The following SND1 variants were observed in gnomAD, a reference collection of about 807,000 sequenced individuals.
SND1 encodes the protein staphylococcal nuclease domain-containing protein 1.
Under a neutral mutation model 121.7 loss-of-function variants are expected in SND1, and 38 were observed. That is an observed-to-expected ratio of 0.31 (90% confidence interval 0.24 to 0.41). SND1 has a LOEUF of 0.41. Ranked by LOEUF, SND1 falls within the 10% of genes least tolerant of loss-of-function variation. The pLI, the probability that SND1 is intolerant of heterozygous loss-of-function variation, is 1.00. For synonymous variants in SND1, 401 were observed against 447.4 expected (o/e 0.90, Z 1.31); for missense variants, 868 against 1,184.6 (o/e 0.73, Z 3.92).
chr7:128,084,793 C>T lies in SND1; in HGVS notation c.2180C>T (p.Ser727Phe), dbSNP rs766769271. The T allele has an allele frequency of 1.2e-6, 2 of 1,608,998 alleles. No homozygotes were observed. The highest frequency in any genetic ancestry group is 1.7e-6 in the Non-Finnish European group (2 of 1,176,436). The part of the protein sequence containing the change: ...DIASHPPVEG[S>F]YAPRRGEFCI... ...GCCAGTCACCCCCCTGTAGAGGGCT[C>T]CTATGCCCCCCGCAGGGGAGAGTTC... Residue 727 changes from serine (S) to phenylalanine (F), a missense_variant, in exon 19 of 24, where the codon TCC becomes TTC. Around this residue, in one of 2 missense-constraint regions of SND1, gnomAD observed 743 missense variants for 1,071.3 expected, o/e 0.69. Transcript: ENST00000354725.
intron 1 of SND1, among the ~76,000 whole-genome samples, chr7:127,670,692 T>G (rs1223689074): frequency 1.3e-5 from 2 of 152,030 alleles, no homozygotes; most frequent in African/African-American, 4.8e-5. Flanking sequence ...ATTTTTAATT[T>G]TTCTGTAGTA....
chr7:127,926,584 G>T (rs9649512), intron 14 of SND1, among the ~76,000 whole-genome samples: 1 of 120,414 alleles, frequency 8.3e-6, no homozygotes. Flanking sequence ...TCGGAGTCTC[G>T]CTCTATCACC....
intron 15 of SND1, among the ~76,000 whole-genome samples, chr7:127,984,868 G>A (rs1016170457): frequency 6.6e-6 from 1 of 152,128 alleles, no homozygotes; most frequent in African/African-American, 2.4e-5. Context: ...CTGCTCCAGG[G>A]ACCTCACTGT....
chr7:127,727,848 A>C (rs991427026), intron 10 of SND1, among the ~76,000 whole-genome samples: 3 of 152,182 alleles, frequency 2.0e-5, no homozygotes, highest in African/African-American at 7.2e-5. Context: ...AAAAATTACT[A>C]TTAGAAGACT....
chr7:127,992,043 G>A (rs1174962148), intron 16 of SND1, among the ~76,000 whole-genome samples: 1 of 152,138 alleles, frequency 6.6e-6, no homozygotes, highest in African/African-American at 2.4e-5. Flanking sequence ...TTTTGTAGAA[G>A]AAAGTGGAGT....
At chr7:127,801,713 A>G (rs1798131261) in intron 10 of SND1, among the ~76,000 whole-genome samples, 1 of 152,162 alleles carries the variant, frequency 6.6e-6, no homozygotes. Context: ...TTGCCGGGGA[A>G]GGTGCACGCC....
intron 9 of SND1, among the ~76,000 whole-genome samples, chr7:127,720,678 TA>T (rs1796479179): frequency 6.6e-6 from 1 of 152,222 alleles, no homozygotes. Flanking sequence ...ATGTCCGTAG[TA>T]GTAGTGCTCT....
At chr7:127,731,523 C>T (rs554980100) in intron 10 of SND1, among the ~76,000 whole-genome samples, 4 of 152,254 alleles carry the variant, frequency 2.6e-5, no homozygotes, top group African/African-American at 9.6e-5. Flanking sequence ...CAGATTGCCC[C>T]GTGGCTGCCT....
chr7:127,738,160 T>C (rs545464181), intron 10 of SND1, among the ~76,000 whole-genome samples: 1 of 152,312 alleles, frequency 6.6e-6, no homozygotes, highest in East Asian at 1.9e-4. Flanking sequence ...GTGTCCTTTC[T>C]CACTGTGGGC....
intron 1 of SND1, among the ~76,000 whole-genome samples, chr7:127,683,504 A>G (rs1317239672): frequency 6.6e-6 from 1 of 152,208 alleles, no homozygotes; most frequent in African/African-American, 2.4e-5. Context: ...AGCTTGAGCC[A>G]TTGCACCCAG....
At chr7:128,047,814 A>G (rs1184793736) in intron 16 of SND1, among the ~76,000 whole-genome samples, 2 of 152,028 alleles carry the variant, frequency 1.3e-5, no homozygotes, top group Non-Finnish European at 2.9e-5. Context: ...TACAAAGGAA[A>G]TGAGTTTTGT....
chr7:127,898,914 G>A (rs529064637), intron 13 of SND1, among the ~76,000 whole-genome samples: 222 of 152,248 alleles, frequency 1.5e-3, no homozygotes, highest in Non-Finnish European at 2.4e-3. Context: ...CTGCCCTGGA[G>A]CATAGATCAT....
chr7:127,849,552 A>G (rs754636002), intron 12 of SND1, among the ~76,000 whole-genome samples: 1 of 152,206 alleles, frequency 6.6e-6, no homozygotes, highest in Non-Finnish European at 1.5e-5. Flanking sequence ...ACTGTCACAT[A>G]TACAGAAGAT....
In SND1 at chr7:128,059,798, G is replaced by T. The variant is rs182012943; in HGVS notation, c.1780-14704G>T. Among the ~76,000 whole-genome samples the T allele has an allele frequency of 1.4e-4, 22 of 152,286 alleles. No homozygotes were observed. The East Asian group carries it at 1.9e-3, about 13-fold the overall frequency. ...GGAATGTAGCCACACAGAAGGTGCT[G>T]CTCAGAAACAAAAGAGCCCTGCCAA... On this transcript the variant is annotated intron_variant, in intron 16 of 23. Transcript: ENST00000354725.
At chr7:127,922,496 G>A (rs1800741318) in intron 14 of SND1, among the ~76,000 whole-genome samples, 1 of 152,060 alleles carries the variant, frequency 6.6e-6, no homozygotes, top group South Asian at 2.1e-4. Flanking sequence ...TGTACACTGT[G>A]GAAAGGAAGA....
At chr7:127,789,322 A>G (rs1797869026) in intron 10 of SND1, among the ~76,000 whole-genome samples, 1 of 152,154 alleles carries the variant, frequency 6.6e-6, no homozygotes, top group South Asian at 2.1e-4. Context: ...CTTAAACATA[A>G]CCCTTAGTTA....
intron 16 of SND1, among the ~76,000 whole-genome samples, chr7:128,067,252 C>T (rs1793332090): frequency 6.6e-6 from 1 of 152,194 alleles, no homozygotes; most frequent in Admixed American, 6.5e-5. Context: ...GGATTGGCAC[C>T]TGGATCACAG....
intron 16 of SND1, among the ~76,000 whole-genome samples, chr7:128,051,661 A>G (rs1472694369): frequency 6.6e-6 from 1 of 152,192 alleles, no homozygotes; most frequent in Non-Finnish European, 1.5e-5. Flanking sequence ...CTAGGAAGGG[A>G]CCTGGGTGGT....
At position 128,089,510 on chromosome 7, in the gene SND1, G is replaced by A. The variant is rs368225881; in HGVS notation, c.2440G>A (p.Val814Met). Residue 814 changes from valine (V) to methionine (M), a missense_variant, in exon 22 of 24, where the codon GTG (valine) becomes ATG (methionine). Val to Met is a conservative substitution (Grantham distance 21, BLOSUM62 1). This residue lies in a region of SND1 where 743 missense variants were observed against 1,071.3 expected (regional missense o/e 0.69). Coordinates refer to ENST00000354725, the MANE Select transcript of SND1 (RefSeq NM_014390.4). ...CCAGGATGATGCCCGCACGGACGCC[G>A]TGGACAGCGTAGTTCGGGATATCCA... ...PQDDDARTDA[V>M]DSVVRDIQNT... is the part of the protein sequence containing the mutation. 9.9e-6 allele frequency: 16 copies of A among 1,613,554 alleles called. No individual in the cohort carries two copies. Among genetic ancestry groups the A allele is most frequent in the East Asian group, 6.7e-5 (3 of 44,870 alleles).
Sources: gnomAD v4.1 joint callset for allele counts (sites outside exome capture counted in the v4.1 genomes callset) on GRCh38, gnomAD v4.1.1 for gene constraint, gnomAD v4.1.1 regional missense constraint, MANE v1.5 for transcripts, NCBI Gene and HGNC (gene_info 2026-07-23, HGNC 2026-07-21) for gene names.